The following NOD2 variants were observed in gnomAD, a reference collection of about 807,000 sequenced individuals.
The protein encoded by NOD2 is nucleotide binding oligomerization domain containing 2, also known as nucleotide-binding oligomerization domain-containing protein 2.
Under a neutral mutation model 90.9 loss-of-function variants are expected in NOD2, and 86 were observed. That is an observed-to-expected ratio of 0.95 (90% confidence interval 0.79 to 1.13). The LOEUF (loss-of-function observed/expected upper bound fraction) is 1.13, where lower values mean the gene tolerates loss of function less well. Ranked by LOEUF, NOD2 falls within the 50% of genes most tolerant of loss-of-function variation. The probability of loss-of-function intolerance (pLI) is 0.00; values close to 1 mark genes in which losing one functional copy is unlikely to be tolerated. For synonymous variants in NOD2, 581 were observed against 554.6 expected, an observed-to-expected ratio of 1.05 and a Z score of -0.67; for missense variants, 1,238 against 1,283.8, an observed-to-expected ratio of 0.96 and a Z score of 0.55.
chr16:50,727,687 C>T, intron 10 of NOD2: 1 of 369,964 alleles, frequency 2.7e-6, no homozygotes. Flanking sequence ...ATTCATTCAA[C>T]TTTTGAAGCT....
At chr16:50,730,074 C>A in intron 11 of NOD2, 173 bp downstream of exon 11, 1 of 577,716 alleles carries the variant, frequency 1.7e-6, no homozygotes. Context: ...AGAAAGAAGT[C>A]TTTACCTCTT....
intron 7 of NOD2, among the ~76,000 whole-genome samples, chr16:50,720,967 G>A (rs1444889412): frequency 6.6e-6 from 1 of 152,088 alleles, no homozygotes; most frequent in African/African-American, 2.4e-5. Context: ...ACCACGCCCA[G>A]CTAATTTTTG....
chr16:50,732,072 A>T lies in NOD2; in HGVS notation c.*253A>T. On this transcript the variant is annotated 3_prime_UTR_variant, in exon 12 of 12. Transcript: ENST00000647318. ...TTCCCAAGATTCAATCCCAGGATGT[A>T]CAAGGACAGCCCCTCCTCCATAGTA... 1.9e-6 allele frequency: 1 copy of T among 514,508 alleles called. No homozygotes were observed. 31.9% of individuals were successfully genotyped at this position (514,508 alleles called of 1,614,324 possible). A position where few individuals can be genotyped will look rare whatever the true frequency, so the allele number is the denominator to read the frequency against.
At chr16:50,708,286 A>G (rs549037357) in intron 3 of NOD2, among the ~76,000 whole-genome samples, 1 of 152,304 alleles carries the variant, frequency 6.6e-6, no homozygotes, top group East Asian at 1.9e-4. Flanking sequence ...ATATGGACAC[A>G]TGTTTTGAGT....
chr16:50,727,521 T>C (rs1965308460), intron 10 of NOD2: 1 of 249,988 alleles, frequency 4.0e-6, no homozygotes, highest in Admixed American at 4.6e-5. Flanking sequence ...AAATTCATGC[T>C]TCGGGATTCA....
At chr16:50,710,415 G>T (rs1386726898) in intron 3 of NOD2, 143 bp from the exon 4 acceptor site, 1 of 1,052,088 alleles carries the variant, frequency 9.5e-7, no homozygotes, top group Non-Finnish European at 1.4e-6. Flanking sequence ...TGCACAGCTT[G>T]TGAATGGAGG....
chr16:50,710,425 G>T, intron 3 of NOD2, 133 bp from the exon 4 acceptor site: 1 of 1,164,480 alleles, frequency 8.6e-7, no homozygotes. Context: ...GTGAATGGAG[G>T]AGCCAGGATG....
At chr16:50,729,300 C>A (rs1454363832) in intron 10 of NOD2, 4 of 193,350 alleles carry the variant, frequency 2.1e-5, no homozygotes, top group African/African-American at 4.7e-5. Context: ...TGGGTCTTCC[C>A]AGCAAGCAGA....
At chr16:50,695,192 G>A (rs769094885) in intron 1 of NOD2, among the ~76,000 whole-genome samples, 140 of 152,186 alleles carry the variant, frequency 9.2e-4, no homozygotes, top group African/African-American at 3.0e-3. Flanking sequence ...AGGAGAGCCC[G>A]TTGAGCGGAT....
At position 50,704,417 on chromosome 16, in the gene NOD2, A is replaced by G. The variant is rs1964087144; in HGVS notation, c.460-3438A>G. Among the ~76,000 whole-genome samples, 3 of 152,078 alleles carry G rather than the reference A, an allele frequency of 2.0e-5. No homozygotes were observed. In the South Asian group the frequency reaches 6.2e-4, roughly 31 times the overall value. On this transcript the variant is annotated intron_variant, in intron 2 of 11. Transcript: ENST00000647318. ...ATGTCTTAAAGTTCCCTCATACTGG[A>G]TTGATAGTTTGGCTGGGTATAAAAT...
At position 50,709,578 on chromosome 16, in the gene NOD2, T is replaced by C. The variant is rs140788774; in HGVS notation, c.566-980T>C. Reference sequence around the variant, plus strand: ...CCCTGCATGGGGTGCATGGGGAGGATGGGGAAGTGGAGGCAGGATCACAGA... The same window carrying C: ...CCCTGCATGGGGTGCATGGGGAGGACGGGGAAGTGGAGGCAGGATCACAGA... On this transcript the variant is annotated intron_variant, in intron 3 of 11. Transcript: ENST00000647318. Among the ~76,000 whole-genome samples the C allele has an allele frequency of 2.9e-3, 445 of 152,272 alleles. 5 individuals carry two copies. Among genetic ancestry groups the C allele is most frequent in the African/African-American group, 0.01 (418 of 41,562 alleles).
intron 4 of NOD2, among the ~76,000 whole-genome samples, chr16:50,714,708 C>G (rs972444368): frequency 1.3e-5 from 2 of 151,780 alleles, no homozygotes; most frequent in African/African-American, 4.8e-5. Flanking sequence ...AGGCTCCTCT[C>G]CCACAGTGCC....
chr16:50,699,080 A>G (rs1437741871), intron 1 of NOD2, among the ~76,000 whole-genome samples: 1 of 152,064 alleles, frequency 6.6e-6, no homozygotes, highest in African/African-American at 2.4e-5. Context: ...GGCGCTCGCC[A>G]CCACGCCTGG....
chr16:50,707,914 A>G lies in NOD2; in HGVS notation c.519A>G (p.Leu173=), dbSNP rs778078737. The stretch of plus-strand genomic sequence containing the variant: ...CGAATGGATTGGCTGCCTTCCTTCT[A>G]CAACATGTTCAGGAATTACCAGTCC... ...VKANGLAAFL[L]QHVQELPVPL... is the part of the protein sequence containing the mutation. The change falls in exon 3 of 12, where the codon CTA becomes CTG. Residue 173 remains leucine, a synonymous_variant. Transcript: ENST00000647318. 14 of 1,613,988 alleles carry G rather than the reference A, an allele frequency of 8.7e-6. No individual in the cohort carries two copies. Among genetic ancestry groups the G allele is most frequent in the Non-Finnish European group, 1.2e-5 (14 of 1,179,952 alleles).
At chr16:50,719,117 G>A (rs923941796) in intron 6 of NOD2, among the ~76,000 whole-genome samples, 11 of 152,174 alleles carry the variant, frequency 7.2e-5, no homozygotes, top group Admixed American at 5.2e-4. Context: ...GTGCAGATGC[G>A]AGGATGTTAG....
chr16:50,723,178 C>G (rs1965142877), intron 8 of NOD2, 123 bp from the exon 9 acceptor site: 1 of 617,278 alleles, frequency 1.6e-6, no homozygotes, highest in African/African-American at 1.9e-5. Context: ...GCACCGCAAT[C>G]AATTAGTGAT....
At chr16:50,696,383 G>A (rs995405297) in intron 1 of NOD2, 2 of 152,222 alleles carry the variant, frequency 1.3e-5, no homozygotes, top group African/African-American at 4.8e-5. Context: ...CCTTGGGGAG[G>A]ACAATGGTGT....
chr16:50,707,794 GCC>G (rs1964265989), intron 2 of NOD2, 59 bp from the exon 3 acceptor site: 1 of 1,161,834 alleles, frequency 8.6e-7, no homozygotes, highest in Admixed American at 1.7e-5. Flanking sequence ...TAATCAGTAA[GCC>G]TTCCCACATT....
Position 50,710,944 on chromosome 16 carries a change from G to T in NOD2, c.952G>T (p.Val318Leu), listed in dbSNP as rs760224068. The T allele has an allele frequency of 1.2e-6, 2 of 1,614,198 alleles. No individual in the cohort carries two copies. The highest frequency in any genetic ancestry group is 1.1e-5 in the South Asian group (1 of 91,088). Residue 318 changes from valine (V) to leucine (L), a missense_variant, in exon 4 of 12, where the codon GTG becomes TTG. Transcript: ENST00000647318. ...QLQCMAKPLS[V>L]RTLLFEHCCW... is the part of the protein sequence containing the mutation. ...GCAGTGCATGGCCAAACCACTCTCT[G>T]TGCGGACTCTACTCTTTGAGCACTG...
Sources: allele counts gnomAD v4.1 joint callset (sites outside exome capture counted in the v4.1 genomes callset), GRCh38; gene constraint gnomAD v4.1.1; transcripts MANE v1.5; gene names NCBI Gene and HGNC (gene_info 2026-07-23, HGNC 2026-07-21).